Variants in FOXN3 observed in about 807,000 individuals in gnomAD.
The protein encoded by FOXN3 is forkhead box N3.
In FOXN3, 7 loss-of-function variants were observed where a neutral mutation model predicts 38.4. That is an observed-to-expected ratio of 0.18 (90% CI 0.10 to 0.34). FOXN3 has a LOEUF of 0.34. Among genes scored for constraint, FOXN3 ranks in the 10% least tolerant of loss-of-function variants. The pLI, the probability that FOXN3 is intolerant of heterozygous loss-of-function variation, is 1.00. For missense variants in FOXN3, 456 were observed against 613.4 expected, an observed-to-expected ratio of 0.74 and a Z score of 2.71; for synonymous variants, 230 against 242.2, an observed-to-expected ratio of 0.95 and a Z score of 0.47.
chr14:89,427,600 G>A (rs1892068003), intron 1 of FOXN3, among the ~76,000 whole-genome samples: 3 of 151,468 alleles, frequency 2.0e-5, no homozygotes, highest in South Asian at 2.1e-4. Flanking sequence ...TTACAGGAGT[G>A]AGCCACCGTG....
chr14:89,316,588 T>A (rs904901865), intron 3 of FOXN3, among the ~76,000 whole-genome samples: 3 of 151,606 alleles, frequency 2.0e-5, no homozygotes, highest in African/African-American at 7.3e-5. Context: ...CTCGAACTCC[T>A]GGGCTCAAGT....
chr14:89,186,319 C>T (rs1470969217), intron 4 of FOXN3, among the ~76,000 whole-genome samples: 2 of 152,016 alleles, frequency 1.3e-5, no homozygotes, highest in Non-Finnish European at 2.9e-5. Context: ...TTCCCTCGTT[C>T]CATTTTGTTG....
intron 1 of FOXN3, among the ~76,000 whole-genome samples, chr14:89,487,764 T>C (rs1893479047): frequency 1.3e-5 from 2 of 152,108 alleles, no homozygotes; most frequent in African/African-American, 4.8e-5. Context: ...GCAACTCAAA[T>C]ACTGGCAGAC....
intron 1 of FOXN3, among the ~76,000 whole-genome samples, chr14:89,530,096 C>T (rs7141549): frequency 4.6e-5 from 7 of 151,964 alleles, no homozygotes; most frequent in South Asian, 4.2e-4. Flanking sequence ...TGTGCCACCA[C>T]GCCTGGCTAA....
intron 3 of FOXN3, among the ~76,000 whole-genome samples, chr14:89,283,369 G>C (rs1371535055): frequency 6.6e-6 from 1 of 152,188 alleles, no homozygotes; most frequent in Non-Finnish European, 1.5e-5. Flanking sequence ...CCTATAGACA[G>C]ACTCATGGTT....
chr14:89,588,539 T>A (rs1262759459), intron 1 of FOXN3, among the ~76,000 whole-genome samples: 1 of 152,114 alleles, frequency 6.6e-6, no homozygotes, highest in Non-Finnish European at 1.5e-5. Context: ...TAGGCTAACA[T>A]CATGTTACGT....
chr14:89,477,531 G>A (rs1291694365), intron 1 of FOXN3, among the ~76,000 whole-genome samples: 1 of 152,172 alleles, frequency 6.6e-6, no homozygotes, highest in African/African-American at 2.4e-5. Flanking sequence ...CGGCCTTGGG[G>A]CCTCACCCAC....
chr14:89,452,364 C>T (rs1226785290), intron 1 of FOXN3, among the ~76,000 whole-genome samples: 3 of 152,174 alleles, frequency 2.0e-5, no homozygotes, highest in African/African-American at 2.4e-5. Flanking sequence ...AAGGTTCCCT[C>T]GCCAAGCCCA....
intron 1 of FOXN3, among the ~76,000 whole-genome samples, chr14:89,465,112 C>T (rs562728574): frequency 2.2e-3 from 335 of 151,306 alleles, no homozygotes; most frequent in African/African-American, 6.8e-3. Flanking sequence ...GATGTGTTTG[C>T]TTCCCCTTCT....
chr14:89,587,587 G>A (rs1895866579), intron 1 of FOXN3, among the ~76,000 whole-genome samples: 2 of 152,302 alleles, frequency 1.3e-5, no homozygotes, highest in East Asian at 3.9e-4. Flanking sequence ...CAGGCATCAG[G>A]CCGGGCACAG....
intron 4 of FOXN3, among the ~76,000 whole-genome samples, chr14:89,211,855 TTA>T (rs1884102041): frequency 6.6e-6 from 1 of 152,180 alleles, no homozygotes; most frequent in Admixed American, 6.5e-5. Flanking sequence ...GACTGAATGT[TTA>T]TGTCTCCCTA....
chr14:89,345,227 T>C (rs1888728136), intron 3 of FOXN3, among the ~76,000 whole-genome samples: 1 of 152,162 alleles, frequency 6.6e-6, no homozygotes, highest in Non-Finnish European at 1.5e-5. Flanking sequence ...GCAAGAGCCC[T>C]TCACAATCAG....
chr14:89,358,297 C>T (rs1441473276), intron 2 of FOXN3, among the ~76,000 whole-genome samples: 1 of 152,210 alleles, frequency 6.6e-6, no homozygotes, highest in African/African-American at 2.4e-5. Context: ...GACTGAGACT[C>T]ACAACTCCCA....
At chr14:89,499,925 C>T (rs1244552759) in intron 1 of FOXN3, among the ~76,000 whole-genome samples, 2 of 152,114 alleles carry the variant, frequency 1.3e-5, no homozygotes, top group African/African-American at 2.4e-5. Context: ...AGGTTGCTCA[C>T]CGCAACCTCC....
intron 1 of FOXN3, among the ~76,000 whole-genome samples, chr14:89,594,968 T>C (rs1433594278): frequency 1.3e-5 from 2 of 152,184 alleles, no homozygotes; most frequent in African/African-American, 2.4e-5. Flanking sequence ...AGGATTCTGA[T>C]TGGGATTACA....
At chr14:89,321,570 C>T (rs1232024879) in intron 3 of FOXN3, among the ~76,000 whole-genome samples, 2 of 152,032 alleles carry the variant, frequency 1.3e-5, no homozygotes, top group Non-Finnish European at 2.9e-5. Context: ...GAGTGAGATT[C>T]TGTCTCAAAA....
rs547212080 is a variant in FOXN3, at chr14:89,545,439, A to G, written c.-15+73589T>C. Among the ~76,000 whole-genome samples, 348 of 152,224 alleles carry G rather than the reference A, an allele frequency of 2.3e-3. 3 individuals carry two copies. The highest frequency in any genetic ancestry group is 2.5e-3 in the Non-Finnish European group (169 of 68,022). ...ACTGTGCCTACTGGCTCCTTCTAACACGGAGAATGCATATGACTTCTAGAG... is the reference window on the plus strand; with the variant it reads ...ACTGTGCCTACTGGCTCCTTCTAACGCGGAGAATGCATATGACTTCTAGAG... On this transcript the variant is annotated intron_variant, in intron 1 of 6. Transcript: ENST00000345097.
At chr14:89,464,155 A>G (rs966857570) in intron 1 of FOXN3, among the ~76,000 whole-genome samples, 4 of 152,094 alleles carry the variant, frequency 2.6e-5, no homozygotes, top group African/African-American at 9.7e-5. Flanking sequence ...TCTCCTCCAG[A>G]TTTCTCAGCT....
rs998043214 is a variant in FOXN3 at position 89,323,341 on chromosome 14, C to T, written c.680+27331G>A. Among the ~76,000 whole-genome samples, 7 of 150,224 alleles carry T rather than the reference C, an allele frequency of 4.7e-5. No homozygotes were observed. In the South Asian group the frequency reaches 6.4e-4, roughly 14 times the overall value. On this transcript the variant is annotated intron_variant, in intron 3 of 5. Transcript: ENST00000557258. ...AGAAAGAAAGAATGACAGTGGGGCACGAGTATTTTGAAGGGGTGGTTAGGG... is the reference window on the plus strand; with the variant it reads ...AGAAAGAAAGAATGACAGTGGGGCATGAGTATTTTGAAGGGGTGGTTAGGG...
Sources: gnomAD v4.1 joint callset for allele counts (sites outside exome capture counted in the v4.1 genomes callset) on GRCh38, gnomAD v4.1.1 for gene constraint, MANE v1.5 for transcripts, NCBI Gene and HGNC (gene_info 2026-07-23, HGNC 2026-07-21) for gene names.